The following COX15 variants were observed in gnomAD, a reference collection of about 807,000 sequenced individuals.
COX15 encodes the protein heme A synthase COX15.
A neutral mutation model predicts 51.9 loss-of-function variants in COX15; 51 were observed. That is an observed-to-expected ratio of 0.98 (90% CI 0.78 to 1.24). The LOEUF (loss-of-function observed/expected upper bound fraction) is 1.24. COX15 is among the 50% of genes most tolerant of loss of function. The pLI is 0.00. For missense variants in COX15, 420 were observed against 501.1 expected, an observed-to-expected ratio of 0.84 and a Z score of 1.55; for synonymous variants, 188 against 190.5, an observed-to-expected ratio of 0.99 and a Z score of 0.11.
At chr10:99,694,841 T>G in the COX15 span, among the ~76,000 whole-genome samples, 4 of 152,116 alleles carry the variant, frequency 2.6e-5, no homozygotes, top group African/African-American at 4.8e-5. Context: ...CCACCCCAGT[T>G]TTTGGATCTC....
chr10:99,708,384 C>T (rs1260051425), downstream of COX15, among the ~76,000 whole-genome samples: 2 of 152,186 alleles, frequency 1.3e-5, no homozygotes, highest in African/African-American at 4.8e-5. Context: ...GGATGAAAGA[C>T]AAGTGAGTGG....
At position 99,729,512 on chromosome 10, in the gene COX15, G is replaced by C. The variant is rs1459736714; in HGVS notation, c.272+41C>G. 1.9e-6 allele frequency: 3 copies of C among 1,555,052 alleles called. No individual in the cohort carries two copies. The East Asian group carries it at 6.7e-5, about 35-fold the overall frequency. On this transcript the variant is annotated intron_variant, in intron 2 of 8. Transcript: ENST00000016171. ...TCCTCAGTCAACCTGTGCTTCTACTGATGATCCAAATACCTGACTCACTAC... is the reference window on the plus strand; with the variant it reads ...TCCTCAGTCAACCTGTGCTTCTACTCATGATCCAAATACCTGACTCACTAC...
chr10:99,704,875 C>T, the COX15 span: 1 of 612,162 alleles, frequency 1.6e-6, no homozygotes, highest in Admixed American at 3.0e-5. Context: ...ATAATTTAAT[C>T]TGTGAGGAAC....
the COX15 span, among the ~76,000 whole-genome samples, chr10:99,702,268 C>T: frequency 7.5e-4 from 114 of 151,964 alleles, no homozygotes; most frequent in African/African-American, 2.7e-3. Context: ...TTAATATGCT[C>T]TCTGAAGATA....
downstream of COX15, chr10:99,709,118 C>G: frequency 2.0e-6 from 2 of 982,924 alleles, no homozygotes; most frequent in Non-Finnish European, 2.4e-6. Context: ...ATTTCCTTTA[C>G]TACAACATCC....
the COX15 span, chr10:99,704,633 C>T: frequency 6.2e-7 from 1 of 1,614,102 alleles, no homozygotes; most frequent in South Asian, 1.1e-5. Flanking sequence ...ATTGGACTTG[C>T]TGTGGCTTGA....
At chr10:99,718,281 CT>C in intron 7 of COX15, 64 bp downstream of exon 7, 1 of 1,584,110 alleles carries the variant, frequency 6.3e-7, no homozygotes, top group South Asian at 1.1e-5. Flanking sequence ...CAGTGCTTCA[CT>C]GACACCCCAA....
chr10:99,703,296 T>C, the COX15 span, among the ~76,000 whole-genome samples: 1 of 152,226 alleles, frequency 6.6e-6, no homozygotes, highest in African/African-American at 2.4e-5. Context: ...TTTGTATCTT[T>C]GATGTCTGTT....
chr10:99,719,597 C>A (rs2036694975), intron 6 of COX15, among the ~76,000 whole-genome samples: 1 of 152,030 alleles, frequency 6.6e-6, no homozygotes, highest in Non-Finnish European at 1.5e-5. Flanking sequence ...CTCAAGCAAT[C>A]CTCCCGCCTC....
chr10:99,724,735 T>C (rs1590098390), intron 4 of COX15, among the ~76,000 whole-genome samples: 3 of 143,016 alleles, frequency 2.1e-5, no homozygotes. Flanking sequence ...TGATGAGCTT[T>C]AAAAAAAAAA....
In COX15 at chr10:99,712,447, G is replaced by A; in HGVS notation, c.*2140C>T. 1 of 985,302 alleles carries A rather than the reference G, an allele frequency of 1.0e-6. No individual in the cohort carries two copies. The highest frequency in any genetic ancestry group is 1.1e-4 in the East Asian group (1 of 8,814). 61.0% of individuals were successfully genotyped at this position (985,302 alleles called of 1,614,324 possible). A position where few individuals can be genotyped will look rare whatever the true frequency, so the allele number is the denominator to read the frequency against. ...TGTGGCTTATTTTTAAAAAACAGAA[G>A]ATTTGCTGACTTAAACACTGCAAAA... On this transcript the variant is annotated 3_prime_UTR_variant, in exon 9 of 9. Coordinates refer to ENST00000016171, the MANE Select transcript of COX15 (RefSeq NM_078470.6).
the COX15 span, chr10:99,698,709 A>T: frequency 6.2e-7 from 1 of 1,614,204 alleles, no homozygotes; most frequent in Non-Finnish European, 8.5e-7. Flanking sequence ...CTCCAACACC[A>T]GCCAGGCCTC....
the COX15 span, among the ~76,000 whole-genome samples, chr10:99,701,655 G>A: frequency 6.6e-6 from 1 of 151,902 alleles, no homozygotes; most frequent in Non-Finnish European, 1.5e-5. Context: ...AGAGAGAATA[G>A]CAACATAAAC....
intron 8 of COX15, 148 bp from the exon 9 acceptor site, chr10:99,714,866 T>C (rs1053145836): frequency 7.1e-7 from 1 of 1,413,596 alleles, no homozygotes; most frequent in African/African-American, 1.4e-5. Context: ...CAAGCAAATA[T>C]GCTTACAATG....
chr10:99,714,849 A>T, intron 8 of COX15, 131 bp from the exon 9 acceptor site: 1 of 1,492,352 alleles, frequency 6.7e-7, no homozygotes, highest in Non-Finnish European at 9.1e-7. Context: ...ACACATTTTT[A>T]ATTTCACAAG....
chr10:99,696,030 G>A, the COX15 span: 1 of 1,614,174 alleles, frequency 6.2e-7, no homozygotes, highest in South Asian at 1.1e-5. Context: ...ACGTGTACAG[G>A]GTTTATGTCA....
the COX15 span, among the ~76,000 whole-genome samples, chr10:99,704,042 A>C: frequency 6.6e-6 from 1 of 152,216 alleles, no homozygotes; most frequent in Non-Finnish European, 1.5e-5. Flanking sequence ...CAACTTTAAA[A>C]AAAGGATTTA....
At chr10:99,698,497 G>GTGTT in the COX15 span, 112,854 of 1,562,710 alleles carry the variant, frequency 0.072, 4,070 homozygotes, top group Admixed American at 0.11. Context: ...CAGGCATGAC[G>GTGTT]TGTTTGTTTG....
downstream of COX15, among the ~76,000 whole-genome samples, chr10:99,706,742 G>A (rs925934955): frequency 1.3e-5 from 2 of 152,020 alleles, no homozygotes; most frequent in Non-Finnish European, 2.9e-5. Context: ...TCTGTGCTCC[G>A]TGAACCTTAT....
Sources: allele counts gnomAD v4.1 joint callset (sites outside exome capture counted in the v4.1 genomes callset), GRCh38; gene constraint gnomAD v4.1.1; transcripts MANE v1.5; gene names NCBI Gene and HGNC (gene_info 2026-07-23, HGNC 2026-07-21).